Variants in SSH2 observed in about 807,000 individuals in gnomAD.
The protein encoded by SSH2 is protein phosphatase Slingshot homolog 2.
In SSH2, 37 loss-of-function variants were observed where a neutral mutation model predicts 135.2. The observed-to-expected ratio is 0.27, with a 90% CI of 0.21 to 0.36. SSH2 has a LOEUF of 0.36. SSH2 is among the 10% of genes least tolerant of loss of function. SSH2 has a pLI of 1.00. For synonymous variants in SSH2, 628 were observed against 646.2 expected, an observed-to-expected ratio of 0.97 and a Z score of 0.43; for missense variants, 1,408 against 1,765.3, an observed-to-expected ratio of 0.80 and a Z score of 3.63.
chr17:29,750,198 G>A (rs1342323638), intron 3 of SSH2, among the ~76,000 whole-genome samples: 1 of 151,738 alleles, frequency 6.6e-6, no homozygotes, highest in East Asian at 1.9e-4. Context: ...AGCACTTTGG[G>A]AGGCCAAGGT....
intron 14 of SSH2, among the ~76,000 whole-genome samples, chr17:29,647,130 C>T (rs145600178): frequency 0.055 from 8,369 of 151,652 alleles, 344 homozygotes; most frequent in Non-Finnish European, 0.087. Context: ...GGCATGGTGG[C>T]GGGCACCTGT....
chr17:29,861,880 G>C (rs2065771599), intron 1 of SSH2, among the ~76,000 whole-genome samples: 1 of 152,086 alleles, frequency 6.6e-6, no homozygotes, highest in Non-Finnish European at 1.5e-5. Context: ...GGCTTTACTG[G>C]GGGGAAACAA....
At chr17:29,744,185 G>C (rs2040674374) in intron 3 of SSH2, among the ~76,000 whole-genome samples, 1 of 152,110 alleles carries the variant, frequency 6.6e-6, no homozygotes, top group Non-Finnish European at 1.5e-5. Flanking sequence ...GGCGCAGCTG[G>C]CCCGCTGCCG....
rs767310966 is a variant in SSH2 at position 29,671,926 on chromosome 17, C to T, written c.809+9G>A. ...GAGAACTTCCATAATCCTTAGCAAA[C>T]TGACTTACATGTCGGTGAAGAGAGC... On this transcript the variant is annotated intron_variant, in intron 9 of 15. Coordinates refer to ENST00000540801, the MANE Select transcript of SSH2 (RefSeq NM_001282129.2). 27 of 1,608,452 alleles carry T rather than the reference C, an allele frequency of 1.7e-5. No homozygotes were observed. The highest frequency in any genetic ancestry group is 8.5e-7 in the Non-Finnish European group (1 of 1,176,224).
chr17:29,822,764 C>G (rs1027581302), intron 2 of SSH2, among the ~76,000 whole-genome samples: 2 of 152,192 alleles, frequency 1.3e-5, no homozygotes, highest in African/African-American at 2.4e-5. Flanking sequence ...GCTTTCCTGG[C>G]TCTAGTTCTA....
chr17:29,893,889 A>T (rs1440200812), intron 1 of SSH2, among the ~76,000 whole-genome samples: 1 of 152,182 alleles, frequency 6.6e-6, no homozygotes, highest in Non-Finnish European at 1.5e-5. Context: ...GTTGGGAAAC[A>T]CATTTTGGGT....
At chr17:29,887,759 C>G (rs541376478) in intron 1 of SSH2, among the ~76,000 whole-genome samples, 1 of 152,182 alleles carries the variant, frequency 6.6e-6, no homozygotes, top group Non-Finnish European at 1.5e-5. Context: ...AAATGGTCTT[C>G]TGCAGTTCAG....
chr17:29,725,085 C>T (rs889679179), intron 3 of SSH2, among the ~76,000 whole-genome samples: 3 of 151,432 alleles, frequency 2.0e-5, no homozygotes, highest in Admixed American at 6.6e-5. Flanking sequence ...CGGTGGCTCA[C>T]GCCTGTAATC....
At position 29,654,114 on chromosome 17, in the gene SSH2, A is replaced by G. The variant is rs2036689698; in HGVS notation, c.1079+1447T>C. The stretch of plus-strand genomic sequence containing the variant: ...AATTCCCAACACAGTTTGCTAATTG[A>G]TTTTCTCTCCTTATCTGCCATCAGC... On this transcript the variant is annotated intron_variant, in intron 12 of 15. Coordinates refer to ENST00000540801, the MANE Select transcript of SSH2 (RefSeq NM_001282129.2). Among the ~76,000 whole-genome samples, 6 of 152,238 alleles carry G rather than the reference A, an allele frequency of 3.9e-5. No homozygotes were observed. In the South Asian group the frequency reaches 1.2e-3, roughly 32 times the overall value.
intron 3 of SSH2, among the ~76,000 whole-genome samples, chr17:29,720,679 G>A (rs1057337207): frequency 1.1e-4 from 17 of 152,024 alleles, no homozygotes; most frequent in African/African-American, 4.1e-4. Context: ...GAGGGGCACT[G>A]CTGCCAGTGT....
intron 8 of SSH2, 66 bp from the exon 9 acceptor site, chr17:29,672,195 A>G: frequency 8.4e-7 from 1 of 1,197,312 alleles, no homozygotes; most frequent in Non-Finnish European, 1.2e-6. Context: ...TAACCTGTGT[A>G]CTCCAAACTC....
chr17:29,643,618 G>A (rs1293808339), intron 14 of SSH2, among the ~76,000 whole-genome samples: 4 of 151,934 alleles, frequency 2.6e-5, no homozygotes, highest in Admixed American at 1.3e-4. Flanking sequence ...TCAGCCTCCC[G>A]AGTAGCTGGG....
At chr17:29,658,150 C>G (rs971491238) in intron 11 of SSH2, among the ~76,000 whole-genome samples, 4 of 150,712 alleles carry the variant, frequency 2.7e-5, no homozygotes, top group Non-Finnish European at 5.9e-5. Context: ...ATTACAGGTG[C>G]GCACCACCAC....
intron 9 of SSH2, among the ~76,000 whole-genome samples, chr17:29,669,881 CTTT>C (rs571124019): frequency 3.0e-5 from 4 of 133,016 alleles, no homozygotes; most frequent in Non-Finnish European, 4.9e-5. Flanking sequence ...CTAATAAAAT[CTTT>C]TTTTTTTTTT....
intron 1 of SSH2, among the ~76,000 whole-genome samples, chr17:29,918,700 G>T (rs1233528387): frequency 6.6e-6 from 1 of 152,160 alleles, no homozygotes; most frequent in African/African-American, 2.4e-5. Context: ...ACTTTGGGAG[G>T]CTGAGGTGGG....
intron 3 of SSH2, among the ~76,000 whole-genome samples, chr17:29,737,960 C>A (rs1294311173): frequency 6.8e-6 from 1 of 147,314 alleles, no homozygotes; most frequent in Non-Finnish European, 1.5e-5. Flanking sequence ...ACTTTAAGTT[C>A]TAGGGTACAT....
chr17:29,773,784 TCTC>T (rs1405279337), intron 3 of SSH2, among the ~76,000 whole-genome samples: 1 of 152,164 alleles, frequency 6.6e-6, no homozygotes, highest in Middle Eastern at 3.2e-3. Flanking sequence ...TTCAAGCAAT[TCTC>T]CTGTCTCAGC....
At position 29,702,942 on chromosome 17, in the gene SSH2, G is replaced by A; in HGVS notation, c.292+17C>T. On this transcript the variant is annotated intron_variant, in intron 4 of 15. Transcript: ENST00000540801. Reference sequence around the variant, plus strand: ...ATATAGTTACCAAGAAAGAAATGGTGTATATGCAAGCATTACCTGCATGCT... The same window carrying A: ...ATATAGTTACCAAGAAAGAAATGGTATATATGCAAGCATTACCTGCATGCT... 6.4e-7 allele frequency: 1 copy of A among 1,553,492 alleles called. No individual in the cohort carries two copies. Among genetic ancestry groups the A allele is most frequent in the Non-Finnish European group, 8.9e-7 (1 of 1,124,886 alleles).
intron 2 of SSH2, among the ~76,000 whole-genome samples, chr17:29,833,697 TTCCC>T (rs2151367943): frequency 8.6e-6 from 1 of 116,660 alleles, no homozygotes; most frequent in South Asian, 3.9e-4. Context: ...CCTCCCTTCC[TTCCC>T]TCCCTCTCTT....
Sources: allele counts gnomAD v4.1 joint callset (sites outside exome capture counted in the v4.1 genomes callset), GRCh38; gene constraint gnomAD v4.1.1; transcripts MANE v1.5; gene names NCBI Gene and HGNC (gene_info 2026-07-23, HGNC 2026-07-21).